Variants in ZNF704 observed in about 807,000 individuals in gnomAD.
The protein encoded by ZNF704 is zinc finger protein 704.
ZNF704 carries 10 observed loss-of-function variants against 44.7 expected under a neutral mutation model. The observed-to-expected ratio is 0.22, with a 90% CI of 0.14 to 0.38. ZNF704 has a LOEUF of 0.38. ZNF704 is among the 10% of genes least tolerant of loss of function. The pLI, the probability that ZNF704 is intolerant of heterozygous loss-of-function variation, is 1.00. For synonymous variants in ZNF704, 211 were observed against 207.6 expected (o/e 1.02, Z -0.14); for missense variants, 390 against 545.5 (o/e 0.71, Z 2.84).
rs1380485265 is a variant in ZNF704 at position 80,632,182 on chromosome 8, TTTCC to T, written c.*9180_*9183del. On this transcript the variant is annotated 3_prime_UTR_variant, in exon 9 of 9. Coordinates refer to ENST00000327835, the MANE Select transcript of ZNF704 (RefSeq NM_001033723.3). ...TTTGTTTTTTTCTGTTTAAAGGAAATTTCCTTCCTTAATGGTAGTCTCACCCCAG... is the reference window on the plus strand; with the variant it reads ...TTTGTTTTTTTCTGTTTAAAGGAAATTTCCTTAATGGTAGTCTCACCCCAG... The T allele has an allele frequency of 6.6e-6, 1 of 152,198 alleles. No individual in the cohort carries two copies. Among genetic ancestry groups the T allele is most frequent in the African/African-American group, 2.4e-5 (1 of 41,522 alleles). The allele number at this position is 152,198 out of a possible 1,614,324, so 9.4% of individuals were successfully genotyped here. A position where few individuals can be genotyped will look rare whatever the true frequency, so the allele number is the denominator to read the frequency against.
chr8:80,881,545 C>T, the ZNF704 span, among the ~76,000 whole-genome samples: 3 of 152,226 alleles, frequency 2.0e-5, no homozygotes, highest in South Asian at 4.2e-4. Flanking sequence ...GGGAAGCCTC[C>T]GTAGGATACC....
chr8:80,730,762 G>C (rs1806567940), intron 2 of ZNF704, among the ~76,000 whole-genome samples: 1 of 151,892 alleles, frequency 6.6e-6, no homozygotes, highest in African/African-American at 2.4e-5. Context: ...TAAAGCTGGT[G>C]GTTTATACCA....
intron 2 of ZNF704, among the ~76,000 whole-genome samples, chr8:80,766,561 T>C (rs1807231660): frequency 6.6e-6 from 1 of 152,232 alleles, no homozygotes; most frequent in Non-Finnish European, 1.5e-5. Flanking sequence ...TTTCCTAAAC[T>C]ATGTTACTGA....
intron 2 of ZNF704, among the ~76,000 whole-genome samples, chr8:80,741,901 T>G (rs1198639026): frequency 6.6e-6 from 1 of 152,092 alleles, no homozygotes; most frequent in Admixed American, 6.6e-5. Context: ...GAACTAGCAT[T>G]CAGCTGGCAA....
chr8:80,755,740 A>G (rs551054603), intron 2 of ZNF704, among the ~76,000 whole-genome samples: 80 of 152,310 alleles, frequency 5.3e-4, no homozygotes, highest in African/African-American at 1.7e-3. Context: ...ACTCAGTCCC[A>G]GGACACTGAA....
At chr8:80,767,499 C>G (rs1226375993) in intron 2 of ZNF704, among the ~76,000 whole-genome samples, 1 of 152,156 alleles carries the variant, frequency 6.6e-6, no homozygotes, top group Non-Finnish European at 1.5e-5. Flanking sequence ...AATAACACTG[C>G]CTCGTTTTCT....
intron 2 of ZNF704, among the ~76,000 whole-genome samples, chr8:80,717,686 T>C (rs1459919826): frequency 6.6e-6 from 1 of 152,240 alleles, no homozygotes; most frequent in East Asian, 1.9e-4. Context: ...TTATTACCAG[T>C]TGGCTAGCTG....
At chr8:80,869,754 T>G (rs1474914135) in intron 1 of ZNF704, among the ~76,000 whole-genome samples, 2 of 152,234 alleles carry the variant, frequency 1.3e-5, no homozygotes, top group Non-Finnish European at 2.9e-5. Flanking sequence ...CAACAGAATA[T>G]GGCCAAGTTT....
intron 2 of ZNF704, among the ~76,000 whole-genome samples, chr8:80,809,019 C>A (rs1269521025): frequency 6.6e-6 from 1 of 152,122 alleles, no homozygotes; most frequent in Non-Finnish European, 1.5e-5. Flanking sequence ...CAGCTGGGTG[C>A]GGTGCCTGAC....
At chr8:80,649,444 GA>G (rs1817880388) in intron 7 of ZNF704, among the ~76,000 whole-genome samples, 1 of 152,156 alleles carries the variant, frequency 6.6e-6, no homozygotes, top group African/African-American at 2.4e-5. Context: ...ACAGCACCTG[GA>G]AAATTGGGTC....
In ZNF704 at chr8:80,858,684, C is replaced by CAA. The variant is rs56880626; in HGVS notation, c.-22+15885_-22+15886dup. ...TGGGCAACACAGCGAGATTCTGTCTCAAAAAAAAAACAAAAAACAAACAAA... is the reference window on the plus strand; with the variant it reads ...TGGGCAACACAGCGAGATTCTGTCTCAAAAAAAAAAAACAAAAAACAAACAAA... On this transcript the variant is annotated intron_variant, in intron 1 of 8. Coordinates refer to ENST00000327835, the MANE Select transcript of ZNF704 (RefSeq NM_001033723.3). Among the ~76,000 whole-genome samples, 33 of 143,714 alleles carry CAA rather than the reference C, an allele frequency of 2.3e-4. 1 individual carries two copies. Among genetic ancestry groups the CAA allele is most frequent in the African/African-American group, 2.5e-4 (10 of 39,442 alleles). The allele number at this position is 143,714 out of a possible 152,430, so 94.3% of individuals were successfully genotyped here.
At chr8:80,677,874 T>C (rs1013142566) in intron 4 of ZNF704, among the ~76,000 whole-genome samples, 5 of 152,222 alleles carry the variant, frequency 3.3e-5, no homozygotes, top group African/African-American at 1.2e-4. Context: ...CAAAGAATGT[T>C]TGTCAAAAAG....
intron 1 of ZNF704, among the ~76,000 whole-genome samples, chr8:80,833,336 A>G (rs1290879616): frequency 6.6e-6 from 1 of 152,172 alleles, no homozygotes; most frequent in Non-Finnish European, 1.5e-5. Context: ...GCGACAGAGC[A>G]AGACTCCGTC....
At chr8:80,808,477 G>C (rs1375759396) in intron 2 of ZNF704, among the ~76,000 whole-genome samples, 4 of 152,120 alleles carry the variant, frequency 2.6e-5, no homozygotes, top group African/African-American at 4.8e-5. Flanking sequence ...GTGGATATGT[G>C]GAAAATATGA....
intron 2 of ZNF704, among the ~76,000 whole-genome samples, chr8:80,699,976 G>A (rs1394528378): frequency 2.6e-5 from 4 of 152,108 alleles, no homozygotes; most frequent in African/African-American, 9.7e-5. Flanking sequence ...TTTACCCCCA[G>A]TGAGGTCAGG....
intron 1 of ZNF704, among the ~76,000 whole-genome samples, chr8:80,832,192 T>C (rs941602576): frequency 6.6e-6 from 1 of 152,172 alleles, no homozygotes; most frequent in Admixed American, 6.6e-5. Flanking sequence ...TATATAAATA[T>C]GATATACTTG....
intron 2 of ZNF704, among the ~76,000 whole-genome samples, chr8:80,791,673 T>C (rs895832620): frequency 4.6e-5 from 7 of 152,110 alleles, no homozygotes; most frequent in Non-Finnish European, 7.3e-5. Flanking sequence ...CCAAGGCTTC[T>C]GCTGACAAGT....
At chr8:80,663,763 G>T (rs1818139919) in intron 6 of ZNF704, among the ~76,000 whole-genome samples, 1 of 152,090 alleles carries the variant, frequency 6.6e-6, no homozygotes, top group Non-Finnish European at 1.5e-5. Flanking sequence ...GTCTTACTCT[G>T]TCACCCAGGC....
At chr8:80,647,826 G>A (rs1332181209) in intron 7 of ZNF704, among the ~76,000 whole-genome samples, 3 of 152,212 alleles carry the variant, frequency 2.0e-5, no homozygotes, top group African/African-American at 7.2e-5. Flanking sequence ...GGTCGGGGAG[G>A]CATGAGGAAC....
Sources: allele counts gnomAD v4.1 joint callset (sites outside exome capture counted in the v4.1 genomes callset), GRCh38; gene constraint gnomAD v4.1.1; transcripts MANE v1.5; gene names NCBI Gene and HGNC (gene_info 2026-07-23, HGNC 2026-07-21).